Variants in DGKG observed in about 807,000 individuals in gnomAD.
The protein encoded by DGKG is diacylglycerol kinase gamma, also known as DAG kinase gamma.
In DGKG, 78 loss-of-function variants were observed where a neutral mutation model predicts 105.3. The ratio of observed to expected loss-of-function variants is 0.74; its 90% CI spans 0.62 to 0.89. DGKG has a LOEUF of 0.89. Among genes scored for constraint, DGKG ranks in the 40% least tolerant of loss-of-function variants. DGKG has a pLI of 0.00. For synonymous variants in DGKG, 346 were observed against 367.1 expected (o/e 0.94, Z 0.66); for missense variants, 958 against 1,020.1 (o/e 0.94, Z 0.83).
At chr3:186,205,713 A>T (rs904149344) in intron 21 of DGKG, among the ~76,000 whole-genome samples, 2 of 152,178 alleles carry the variant, frequency 1.3e-5, no homozygotes, top group Non-Finnish European at 2.9e-5. Context: ...CATCTCAAAA[A>T]AAAACCAAAA....
intron 10 of DGKG, among the ~76,000 whole-genome samples, chr3:186,274,749 G>C (rs1283428543): frequency 2.6e-5 from 4 of 151,986 alleles, no homozygotes; most frequent in Admixed American, 2.6e-4. Flanking sequence ...AGTATTCTAT[G>C]GTATATATGT....
intron 1 of DGKG, among the ~76,000 whole-genome samples, chr3:186,348,427 G>T (rs184443101): frequency 2.6e-5 from 2 of 75,718 alleles, no homozygotes; most frequent in Non-Finnish European, 5.1e-5. Context: ...ACAAATTACT[G>T]AATAGAGAAT....
chr3:186,344,411 G>C (rs983694905), intron 1 of DGKG, among the ~76,000 whole-genome samples: 1 of 152,178 alleles, frequency 6.6e-6, no homozygotes, highest in Non-Finnish European at 1.5e-5. Flanking sequence ...GTGATAAAAA[G>C]AACGCGATAT....
intron 12 of DGKG, 38 bp downstream of exon 12, chr3:186,268,763 G>A (rs774496854): frequency 1.7e-5 from 25 of 1,463,796 alleles, no homozygotes; most frequent in Middle Eastern, 1.7e-4. Context: ...GCAAAAAAAC[G>A]TTGAAAAGAA....
At chr3:186,317,829 T>C (rs552480843) in intron 2 of DGKG, among the ~76,000 whole-genome samples, 3 of 152,166 alleles carry the variant, frequency 2.0e-5, no homozygotes, top group African/African-American at 4.8e-5. Flanking sequence ...GGGCAGGAAC[T>C]GTGTCTCATT....
chr3:186,207,341 G>A (rs573684100), intron 21 of DGKG: 27 of 587,002 alleles, frequency 4.6e-5, no homozygotes, highest in African/African-American at 3.6e-4. Flanking sequence ...GTACTGCCCC[G>A]AAACTCTCGG....
chr3:186,256,050 T>C (rs143304594), intron 17 of DGKG, among the ~76,000 whole-genome samples: 238 of 152,248 alleles, frequency 1.6e-3, no homozygotes, highest in Non-Finnish European at 2.8e-3. Context: ...TTCTCCCTCA[T>C]GGTGGAGAGG....
rs569199341 is a variant in DGKG at position 186,330,924 on chromosome 3, T to C, written c.-248-10217A>G. ...TTTGGGGCAGTTAGTTATGTAATCG[T>C]AGATAACCAAGACAACTACACAAGC... On this transcript the variant is annotated intron_variant, in intron 1 of 24. Coordinates refer to ENST00000265022, the MANE Select transcript of DGKG (RefSeq NM_001346.3). Among the ~76,000 whole-genome samples the C allele has an allele frequency of 1.5e-3, 223 of 152,348 alleles. 1 individual carries two copies. Among genetic ancestry groups the C allele is most frequent in the Admixed American group, 4.2e-3 (64 of 15,300 alleles).
intron 2 of DGKG, among the ~76,000 whole-genome samples, chr3:186,313,749 G>T (rs1025868856): frequency 6.6e-6 from 1 of 152,114 alleles, no homozygotes; most frequent in African/African-American, 2.4e-5. Context: ...TAGATTCTGT[G>T]ACTCCTGGTG....
At chr3:186,181,757 C>T (rs1717368102) in intron 22 of DGKG, among the ~76,000 whole-genome samples, 1 of 152,118 alleles carries the variant, frequency 6.6e-6, no homozygotes, top group Admixed American at 6.5e-5. Flanking sequence ...AAAACATTTT[C>T]TAGGACACAC....
rs974262279 is a variant in DGKG at position 186,253,249 on chromosome 3, T to C, written c.1511-67A>G. The C allele has an allele frequency of 3.1e-5, 41 of 1,306,430 alleles. No homozygotes were observed. The African/African-American group carries it at 5.6e-4, about 18-fold the overall frequency. The allele number at this position is 1,306,430 out of a possible 1,614,324, so 80.9% of individuals were successfully genotyped here. A position where few individuals can be genotyped will look rare whatever the true frequency, so the allele number is the denominator to read the frequency against. ...ACTGTAGAATGTTTGAGTTGTCTTTTTATCCCTGATCTGATGCTTGAACCC... is the reference window on the plus strand; with the variant it reads ...ACTGTAGAATGTTTGAGTTGTCTTTCTATCCCTGATCTGATGCTTGAACCC... On this transcript the variant is annotated intron_variant, in intron 17 of 24. Transcript: ENST00000265022.
chr3:186,332,401 G>A (rs538192571), intron 1 of DGKG, among the ~76,000 whole-genome samples: 1 of 152,198 alleles, frequency 6.6e-6, no homozygotes, highest in Non-Finnish European at 1.5e-5. Context: ...GCAGGGTTGT[G>A]AATAGCAATG....
intron 23 of DGKG, 99 bp downstream of exon 23, chr3:186,164,799 C>G (rs1716457504): frequency 1.4e-6 from 2 of 1,393,626 alleles, no homozygotes; most frequent in Non-Finnish European, 1.9e-6. Flanking sequence ...GTGCTGCACT[C>G]TCCCTGCCCT....
chr3:186,325,864 G>A (rs1725312257), intron 1 of DGKG, among the ~76,000 whole-genome samples: 1 of 152,068 alleles, frequency 6.6e-6, no homozygotes, highest in Non-Finnish European at 1.5e-5. Context: ...TCAAGGTGGC[G>A]ATCTGTTCTT....
chr3:186,253,930 A>G (rs1721338978), intron 17 of DGKG, among the ~76,000 whole-genome samples: 1 of 152,230 alleles, frequency 6.6e-6, no homozygotes, highest in African/African-American at 2.4e-5. Flanking sequence ...CAAAACCTCC[A>G]GGTGTTATTT....
At chr3:186,228,795 G>A (rs1020525779) in intron 20 of DGKG, among the ~76,000 whole-genome samples, 9 of 152,216 alleles carry the variant, frequency 5.9e-5, no homozygotes, top group African/African-American at 1.4e-4. Context: ...CATTGTTCAC[G>A]TCCCTTCGTG....
chr3:186,246,862 T>G lies in DGKG; in HGVS notation c.1762-4294A>C, dbSNP rs75457578. Among the ~76,000 whole-genome samples the G allele has an allele frequency of 2.2e-4, 33 of 152,328 alleles. No individual in the cohort carries two copies. The East Asian group carries it at 5.8e-3, about 27-fold the overall frequency. ...ACCACTGTGGCCTCTCCTTGGCCCT[T>G]GGGCTCCCCTAGCATCAGAAATAGA... On this transcript the variant is annotated intron_variant, in intron 19 of 24. Transcript: ENST00000265022.
intron 19 of DGKG, among the ~76,000 whole-genome samples, chr3:186,250,694 C>T (rs6785247): frequency 0.12 from 18,572 of 151,468 alleles, 1,257 homozygotes; most frequent in African/African-American, 0.16. Flanking sequence ...GGATTACAGG[C>T]ACCCACCACC....
intron 20 of DGKG, among the ~76,000 whole-genome samples, chr3:186,234,632 G>A (rs1272437251): frequency 6.6e-6 from 1 of 152,108 alleles, no homozygotes; most frequent in Admixed American, 6.5e-5. Flanking sequence ...TTCTAGCCTA[G>A]CAGGGGCTAC....
Sources: allele counts gnomAD v4.1 joint callset (sites outside exome capture counted in the v4.1 genomes callset), GRCh38; gene constraint gnomAD v4.1.1; transcripts MANE v1.5; gene names NCBI Gene and HGNC (gene_info 2026-07-23, HGNC 2026-07-21).